TRABD2A: variants seen among roughly 807,000 people sequenced by gnomAD.
The protein encoded by TRABD2A is TraB domain containing 2A, also known as metalloprotease TIKI1.
Under a neutral mutation model 45.6 loss-of-function variants are expected in TRABD2A, and 43 were observed. The observed-to-expected ratio is 0.94, with a 90% CI of 0.74 to 1.22. The LOEUF (loss-of-function observed/expected upper bound fraction) is 1.22. TRABD2A is among the 50% of genes most tolerant of loss of function. TRABD2A has a pLI of 0.00. For missense variants in TRABD2A, 642 were observed against 652.4 expected (o/e 0.98, Z 0.17); for synonymous variants, 269 against 265.0 (o/e 1.02, Z -0.15).
chr2:84,838,756 G>GC (rs1422187672), intron 4 of TRABD2A, among the ~76,000 whole-genome samples: 1 of 152,234 alleles, frequency 6.6e-6, no homozygotes, highest in Non-Finnish European at 1.5e-5. Context: ...TGATGTATCA[G>GC]CCCCAGGCCT....
chr2:84,851,763 T>C lies in TRABD2A; in HGVS notation c.670-9756A>G, dbSNP rs182176959. On this transcript the variant is annotated intron_variant, in intron 2 of 6. Coordinates refer to ENST00000409520, the MANE Select transcript of TRABD2A (RefSeq NM_001277053.2). The stretch of plus-strand genomic sequence containing the variant: ...AGCACAAGTATGTAATATACACATG[T>C]TCAACGAGGTTCCCTGGGGAACTGT... Among the ~76,000 whole-genome samples the C allele has an allele frequency of 5.5e-4, 84 of 152,358 alleles. 2 individuals carry two copies. The East Asian group carries it at 0.015, about 27-fold the overall frequency.
chr2:84,869,510 G>A (rs1208206815), intron 2 of TRABD2A, among the ~76,000 whole-genome samples: 1 of 152,204 alleles, frequency 6.6e-6, no homozygotes, highest in Non-Finnish European at 1.5e-5. Flanking sequence ...TCCTGGGGCA[G>A]TGTCCTAAAG....
chr2:84,873,159 G>A (rs183111910), intron 1 of TRABD2A, among the ~76,000 whole-genome samples: 8 of 150,168 alleles, frequency 5.3e-5, no homozygotes, highest in Middle Eastern at 3.5e-3. Context: ...AGTTGCTGAC[G>A]CCTATAATCC....
At chr2:84,829,041 G>A (rs1360815794) in intron 5 of TRABD2A, among the ~76,000 whole-genome samples, 1 of 152,134 alleles carries the variant, frequency 6.6e-6, no homozygotes, top group Non-Finnish European at 1.5e-5. Context: ...GGTTTGGGAG[G>A]TGGAGGGGTC....
At chr2:84,827,817 T>C (rs1681194551) in intron 5 of TRABD2A, among the ~76,000 whole-genome samples, 1 of 152,168 alleles carries the variant, frequency 6.6e-6, no homozygotes, top group African/African-American at 2.4e-5. Context: ...GCAATATTGC[T>C]GGCTTTGAAG....
At chr2:84,873,207 G>T (rs1318601448) in intron 1 of TRABD2A, among the ~76,000 whole-genome samples, 2 of 151,534 alleles carry the variant, frequency 1.3e-5, no homozygotes, top group Non-Finnish European at 2.9e-5. Flanking sequence ...GATCACTTGA[G>T]GTCAGGAGTT....
At chr2:84,822,377 T>A (rs1242754827) in intron 6 of TRABD2A, among the ~76,000 whole-genome samples, 2 of 152,176 alleles carry the variant, frequency 1.3e-5, no homozygotes, top group Non-Finnish European at 2.9e-5. Context: ...AAAGTCTTCG[T>A]ATAAGGCCGA....
At chr2:84,853,889 G>C (rs374458636) in intron 2 of TRABD2A, among the ~76,000 whole-genome samples, 255 of 152,202 alleles carry the variant, frequency 1.7e-3, no homozygotes, top group Middle Eastern at 3.4e-3. Context: ...GCATGGTGGC[G>C]CACACCTGTG....
chr2:84,860,596 T>C (rs1474146166), intron 2 of TRABD2A, among the ~76,000 whole-genome samples: 3 of 152,230 alleles, frequency 2.0e-5, no homozygotes, highest in Non-Finnish European at 4.4e-5. Context: ...ATACAAACCC[T>C]CATGTCCACT....
At chr2:84,829,348 C>T (rs1681241439) in intron 5 of TRABD2A, among the ~76,000 whole-genome samples, 1 of 141,724 alleles carries the variant, frequency 7.1e-6, no homozygotes, top group Non-Finnish European at 1.5e-5. Context: ...ATTAGGGAGC[C>T]TGGGAACAAC....
In TRABD2A at chr2:84,848,328, TGATAGATAGATA is replaced by T. The variant is rs58667309; in HGVS notation, c.670-6333_670-6322del. 9.2e-3 allele frequency among the ~76,000 whole-genome samples: 1,170 copies of T among 126,864 alleles called. 6 individuals are homozygous for T. The highest frequency in any genetic ancestry group is 0.02 in the African/African-American group (683 of 34,358). 83.2% of individuals were successfully genotyped at this position (126,864 alleles called of 152,430 possible). On this transcript the variant is annotated intron_variant, in intron 2 of 6. Transcript: ENST00000409520. The stretch of plus-strand genomic sequence containing the variant: ...CATGGATGCTGTCTGCACATAAAAA[TGATAGATAGATA>T]GATAGATAGATAGATAGATAGATAG...
At chr2:84,825,845 C>G (rs1170886014) in intron 5 of TRABD2A, among the ~76,000 whole-genome samples, 1 of 152,108 alleles carries the variant, frequency 6.6e-6, no homozygotes, top group Non-Finnish European at 1.5e-5. Context: ...GATCGCAAAC[C>G]CTGTTGTGAA....
intron 1 of TRABD2A, among the ~76,000 whole-genome samples, chr2:84,878,254 C>T (rs968688150): frequency 4.6e-5 from 7 of 152,144 alleles, no homozygotes; most frequent in Non-Finnish European, 1.0e-4. Flanking sequence ...AGGCTGGACA[C>T]GGTGGCTCAC....
At chr2:84,861,658 C>A (rs1237275864) in intron 2 of TRABD2A, among the ~76,000 whole-genome samples, 4 of 152,162 alleles carry the variant, frequency 2.6e-5, no homozygotes, top group African/African-American at 9.7e-5. Flanking sequence ...TGTCAACAAC[C>A]ATCGGCAGCC....
intron 2 of TRABD2A, among the ~76,000 whole-genome samples, chr2:84,859,269 C>T (rs1682415119): frequency 6.6e-6 from 1 of 152,188 alleles, no homozygotes; most frequent in Non-Finnish European, 1.5e-5. Flanking sequence ...GTAGTTTGGT[C>T]TTTTAATACA....
chr2:84,872,057 T>C (rs1268904539), intron 1 of TRABD2A, among the ~76,000 whole-genome samples: 1 of 152,142 alleles, frequency 6.6e-6, no homozygotes, highest in Non-Finnish European at 1.5e-5. Flanking sequence ...GTGTCTCTCA[T>C]CCTCAACAAC....
intron 4 of TRABD2A, 78 bp downstream of exon 4, chr2:84,839,071 C>A: frequency 6.5e-7 from 1 of 1,533,558 alleles, no homozygotes; most frequent in Non-Finnish European, 8.9e-7. Flanking sequence ...AGGCCCTAAG[C>A]AGGGGCTCAC....
Position 84,830,727 on chromosome 2 carries a change from G to A in TRABD2A, c.1082+1328C>T, listed in dbSNP as rs1681303010. Reference sequence around the variant, plus strand: ...GAATACAGGGCATGAAGACAGGTGGGGATGAGAGAAGTCCAGGATGTATCC... The same window carrying A: ...GAATACAGGGCATGAAGACAGGTGGAGATGAGAGAAGTCCAGGATGTATCC... On this transcript the variant is annotated intron_variant, in intron 5 of 6. Coordinates refer to ENST00000409520, the MANE Select transcript of TRABD2A (RefSeq NM_001277053.2). This position sits in a 1 kb window ranked among gnomAD's most constrained non-coding sequence, Gnocchi z 4.9. Among the ~76,000 whole-genome samples the A allele has an allele frequency of 6.6e-6, 1 of 152,156 alleles. No individual in the cohort carries two copies. Among genetic ancestry groups the A allele is most frequent in the Non-Finnish European group, 1.5e-5 (1 of 68,022 alleles).
chr2:84,846,062 G>A (rs971194649), intron 2 of TRABD2A, among the ~76,000 whole-genome samples: 6 of 152,144 alleles, frequency 3.9e-5, no homozygotes, highest in Non-Finnish European at 8.8e-5. Context: ...CAAAACCCTT[G>A]ATCATCCCAG....
Sources: gnomAD v4.1 joint callset for allele counts (sites outside exome capture counted in the v4.1 genomes callset) on GRCh38, gnomAD v4.1.1 for gene constraint, Gnocchi (gnomAD v3.1) non-coding constraint, MANE v1.5 for transcripts, NCBI Gene and HGNC (gene_info 2026-07-23, HGNC 2026-07-21) for gene names.